Variants in MIPOL1 observed in about 807,000 individuals in gnomAD.
MIPOL1 encodes mirror-image polydactyly 1, also known as mirror-image polydactyly gene 1 protein.
A neutral mutation model predicts 60.9 loss-of-function variants in MIPOL1; 57 were observed. That is an observed-to-expected ratio of 0.94 (90% CI 0.76 to 1.17). The LOEUF is 1.17. Ranked by LOEUF, MIPOL1 falls within the 50% of genes most tolerant of loss-of-function variation. The pLI is 0.00. For synonymous variants in MIPOL1, 179 were observed against 168.8 expected (o/e 1.06, Z -0.47); for missense variants, 551 against 511.6 (o/e 1.08, Z -0.74).
At chr14:37,495,468 T>A (rs1466011599) in intron 11 of MIPOL1, among the ~76,000 whole-genome samples, 1 of 150,908 alleles carries the variant, frequency 6.6e-6, no homozygotes, top group African/African-American at 2.4e-5. Flanking sequence ...ACTCATCCTT[T>A]TTTATGGCTG....
At chr14:37,474,358 A>G (rs1441197620) in intron 11 of MIPOL1, among the ~76,000 whole-genome samples, 1 of 152,184 alleles carries the variant, frequency 6.6e-6, no homozygotes, top group Non-Finnish European at 1.5e-5. Flanking sequence ...TAGCTCCCGT[A>G]ATCCCCATGT....
chr14:37,355,067 G>A (rs1334464705), intron 9 of MIPOL1, among the ~76,000 whole-genome samples: 2 of 148,020 alleles, frequency 1.4e-5, no homozygotes, highest in Non-Finnish European at 3.0e-5. Flanking sequence ...TCCATGTTTA[G>A]CACTTCCTTC....
intron 12 of MIPOL1, chr14:37,504,007 G>T (rs933614046): frequency 2.6e-5 from 4 of 152,236 alleles, no homozygotes; most frequent in African/African-American, 9.6e-5. Context: ...AAGAGACAAA[G>T]AAGGCCATTA....
At chr14:37,481,490 T>A (rs370909101) in intron 11 of MIPOL1, among the ~76,000 whole-genome samples, 2 of 150,926 alleles carry the variant, frequency 1.3e-5, no homozygotes, top group African/African-American at 4.9e-5. Flanking sequence ...GTGCAATAAT[T>A]ATCAGAATTC....
At chr14:37,414,220 A>G (rs1353709228) in intron 10 of MIPOL1, among the ~76,000 whole-genome samples, 2 of 152,188 alleles carry the variant, frequency 1.3e-5, no homozygotes, top group Admixed American at 6.5e-5. Flanking sequence ...AGTGAATGAC[A>G]TATTTTCATA....
At chr14:37,305,738 A>G (rs1302819956) in intron 7 of MIPOL1, among the ~76,000 whole-genome samples, 1 of 151,828 alleles carries the variant, frequency 6.6e-6, no homozygotes, top group Non-Finnish European at 1.5e-5. Context: ...GCAGATTTTC[A>G]AATCTTGAAG....
At chr14:37,390,814 T>C (rs747574521) in intron 10 of MIPOL1, among the ~76,000 whole-genome samples, 1 of 151,868 alleles carries the variant, frequency 6.6e-6, no homozygotes, top group Non-Finnish European at 1.5e-5. Flanking sequence ...TAGGTATAAT[T>C]AGAGTCTCTG....
intron 9 of MIPOL1, among the ~76,000 whole-genome samples, chr14:37,334,343 A>T (rs1485250389): frequency 1.3e-5 from 2 of 152,032 alleles, no homozygotes; most frequent in African/African-American, 4.8e-5. Context: ...AGACAATCTT[A>T]AAAAAGAATG....
At chr14:37,347,475 A>G (rs1295306562) in intron 9 of MIPOL1, among the ~76,000 whole-genome samples, 1 of 152,226 alleles carries the variant, frequency 6.6e-6, no homozygotes, top group East Asian at 1.9e-4. Context: ...ATTAAAAGTG[A>G]TTAAATTAAA....
At chr14:37,210,835 A>G (rs1594470020) in intron 1 of MIPOL1, among the ~76,000 whole-genome samples, 1 of 152,218 alleles carries the variant, frequency 6.6e-6, no homozygotes, top group East Asian at 1.9e-4. Context: ...TTGTAGCAGA[A>G]TTTAGGTCTC....
intron 7 of MIPOL1, among the ~76,000 whole-genome samples, chr14:37,291,728 A>G (rs2085073725): frequency 6.6e-6 from 1 of 152,004 alleles, no homozygotes; most frequent in South Asian, 2.1e-4. Context: ...AGGTGCTGGC[A>G]TCTTTCAAGG....
At chr14:37,288,094 C>T (rs1280133369) in intron 7 of MIPOL1, among the ~76,000 whole-genome samples, 1 of 152,190 alleles carries the variant, frequency 6.6e-6, no homozygotes, top group African/African-American at 2.4e-5. Context: ...CCCTGAAATA[C>T]ACTTCTATTA....
intron 10 of MIPOL1, among the ~76,000 whole-genome samples, chr14:37,386,940 A>G (rs1377761362): frequency 1.3e-5 from 2 of 151,842 alleles, no homozygotes; most frequent in African/African-American, 4.8e-5. Context: ...TAGTTATCTC[A>G]TTTTTCCCAA....
chr14:37,446,933 G>T (rs888737943), intron 11 of MIPOL1, among the ~76,000 whole-genome samples: 4 of 151,832 alleles, frequency 2.6e-5, no homozygotes, highest in African/African-American at 9.7e-5. Flanking sequence ...GTGGGGTGGG[G>T]GGAGTGGGGA....
intron 9 of MIPOL1, among the ~76,000 whole-genome samples, chr14:37,332,282 A>G (rs555781084): frequency 6.6e-6 from 1 of 152,228 alleles, no homozygotes; most frequent in South Asian, 2.1e-4. Context: ...GTTGAATTTT[A>G]TCAAATGCTT....
chr14:37,386,389 C>G (rs956966826), intron 10 of MIPOL1, among the ~76,000 whole-genome samples: 1 of 151,958 alleles, frequency 6.6e-6, no homozygotes, highest in African/African-American at 2.4e-5. Context: ...CAGACATTTC[C>G]ATGAGATTAC....
intron 1 of MIPOL1, among the ~76,000 whole-genome samples, chr14:37,228,325 C>CTT (rs397961053): frequency 5.2e-4 from 55 of 105,172 alleles, no homozygotes; most frequent in East Asian, 4.7e-3. Context: ...TCTTTCTTTT[C>CTT]TTTTTTTTTT....
intron 11 of MIPOL1, among the ~76,000 whole-genome samples, chr14:37,480,823 C>G (rs900773460): frequency 6.6e-6 from 1 of 151,882 alleles, no homozygotes; most frequent in African/African-American, 2.4e-5. Context: ...AAAAAACAAA[C>G]AAACAAAAAA....
At chr14:37,351,847 C>T (rs1317003428) in intron 9 of MIPOL1, among the ~76,000 whole-genome samples, 1 of 149,754 alleles carries the variant, frequency 6.7e-6, no homozygotes, top group Non-Finnish European at 1.5e-5. Flanking sequence ...AATTTTCTCC[C>T]ATTTTGTAGG....
Sources: allele counts gnomAD v4.1 joint callset (sites outside exome capture counted in the v4.1 genomes callset), GRCh38; gene constraint gnomAD v4.1.1; transcripts MANE v1.5; gene names NCBI Gene and HGNC (gene_info 2026-07-23, HGNC 2026-07-21).